ZNF638: variants seen among roughly 807,000 people sequenced by gnomAD.
The protein encoded by ZNF638 is CTCL tumor antigen se33-1.
In ZNF638, 46 loss-of-function variants were observed where a neutral mutation model predicts 195.6. That is an observed-to-expected ratio of 0.24 (90% CI 0.19 to 0.30). The LOEUF (loss-of-function observed/expected upper bound fraction) is 0.30, where lower values mean the gene tolerates loss of function less well. Ranked by LOEUF, ZNF638 falls within the 10% of genes least tolerant of loss-of-function variation. The pLI is 1.00. For synonymous variants in ZNF638, 845 were observed against 772.0 expected, an observed-to-expected ratio of 1.09 and a Z score of -1.57; for missense variants, 2,440 against 2,325.3, an observed-to-expected ratio of 1.05 and a Z score of -1.01.
At chr2:71,385,464 TACAG>T (rs1343943619) in intron 10 of ZNF638, among the ~76,000 whole-genome samples, 3 of 147,216 alleles carry the variant, frequency 2.0e-5, no homozygotes, top group South Asian at 2.2e-4. Flanking sequence ...GAAATGAAAT[TACAG>T]AGAGAGAACA....
chr2:71,350,558 A>G (rs2078922942), intron 2 of ZNF638, among the ~76,000 whole-genome samples: 1 of 152,200 alleles, frequency 6.6e-6, no homozygotes, highest in South Asian at 2.1e-4. Context: ...TTTATGTAAC[A>G]TAAGCTGCGT....
At chr2:71,358,139 T>C (rs888062306) in intron 3 of ZNF638, among the ~76,000 whole-genome samples, 3 of 152,190 alleles carry the variant, frequency 2.0e-5, no homozygotes, top group Admixed American at 6.5e-5. Context: ...TGCTACTGTC[T>C]TCACACCACC....
intron 8 of ZNF638, among the ~76,000 whole-genome samples, chr2:71,372,038 T>TA (rs1230390623): frequency 6.6e-6 from 1 of 152,196 alleles, no homozygotes; most frequent in East Asian, 1.9e-4. Flanking sequence ...GTTTCATAGT[T>TA]AGAGATCTTA....
intron 6 of ZNF638, among the ~76,000 whole-genome samples, chr2:71,366,219 G>A (rs1055464457): frequency 6.6e-6 from 1 of 151,932 alleles, no homozygotes; most frequent in South Asian, 2.1e-4. Context: ...GGGTAGCGGC[G>A]GGTGCCAGTA....
Position 71,408,117 on chromosome 2 carries a change from C to T in ZNF638, c.3136-5C>T, listed in dbSNP as rs754963110. ...CTATTCATAACTTTTTAATCTTCTCCAAAGGCAATTCTTCAGTTAGATAGT... is the reference window on the plus strand; with the variant it reads ...CTATTCATAACTTTTTAATCTTCTCTAAAGGCAATTCTTCAGTTAGATAGT... On this transcript the variant is annotated splice_region_variant and splice_polypyrimidine_tract_variant and intron_variant, in intron 19 of 27. Coordinates refer to ENST00000264447, the MANE Select transcript of ZNF638 (RefSeq NM_014497.5). The T allele has an allele frequency of 1.9e-6, 3 of 1,600,984 alleles. No individual in the cohort carries two copies. Among genetic ancestry groups the T allele is most frequent in the Non-Finnish European group, 2.6e-6 (3 of 1,176,036 alleles).
chr2:71,423,306 A>C lies in ZNF638; in HGVS notation c.3792A>C (p.Glu1264Asp), dbSNP rs914842980. ...AGACTATGGTAGAAGCTGTAGCTGA[A>C]GTAGAAAAAAATGAAACTGTTTCGG... ...ITQTMVEAVA[E>D]VEKNETVSEI... Residue 1264 changes from glutamate to aspartate, a missense_variant, in exon 22 of 28, where the codon GAA becomes GAC. Glu to Asp is a conservative substitution (Grantham distance 45, BLOSUM62 2). Around this residue, in one of 5 missense-constraint regions of ZNF638, gnomAD observed 1,883 missense variants for 1,739.1 expected, o/e 1.08. Transcript: ENST00000264447. 2.5e-6 allele frequency: 4 copies of C among 1,613,852 alleles called. No homozygotes were observed. The African/African-American group carries it at 5.3e-5, about 22-fold the overall frequency.
intron 1 of ZNF638, among the ~76,000 whole-genome samples, chr2:71,338,705 AG>A (rs2078713457): frequency 6.6e-6 from 1 of 152,164 alleles, no homozygotes; most frequent in Admixed American, 6.5e-5. Flanking sequence ...GCCTCCTGTG[AG>A]GTACATAAAT....
chr2:71,403,578 A>T (rs2080048285), intron 16 of ZNF638, among the ~76,000 whole-genome samples: 1 of 152,272 alleles, frequency 6.6e-6, no homozygotes, highest in South Asian at 2.1e-4. Flanking sequence ...CTAAGGATAC[A>T]GTTTGAATAA....
chr2:71,374,264 A>G lies in ZNF638; in HGVS notation c.2265+4259A>G, dbSNP rs138147723. Among the ~76,000 whole-genome samples, 774 of 152,294 alleles carry G rather than the reference A, an allele frequency of 5.1e-3. 4 individuals are homozygous for G. The highest frequency in any genetic ancestry group is 0.018 in the African/African-American group (743 of 41,556). ...AAAATGGGAGCCAGTTAGCCTCAAC[A>G]CTATTTATGCCTAATTTATCCTTGT... On this transcript the variant is annotated intron_variant, in intron 8 of 27. Coordinates refer to ENST00000264447, the MANE Select transcript of ZNF638 (RefSeq NM_014497.5).
intron 20 of ZNF638, 60 bp downstream of exon 20, chr2:71,408,307 A>G: frequency 1.3e-6 from 2 of 1,551,354 alleles, no homozygotes; most frequent in Non-Finnish European, 1.7e-6. Context: ...CATAAAGGTC[A>G]TTCTCAGGTA....
intron 20 of ZNF638, among the ~76,000 whole-genome samples, chr2:71,410,992 C>CCCCTTTT: frequency 4.1e-5 from 1 of 24,510 alleles, no homozygotes; most frequent in Non-Finnish European, 7.7e-5. Context: ...CTCCCCCCCC[C>CCCCTTTT]TTTTTTTTTT....
intron 1 of ZNF638, among the ~76,000 whole-genome samples, chr2:71,342,981 C>G (rs2078787880): frequency 6.6e-6 from 1 of 151,928 alleles, no homozygotes; most frequent in Non-Finnish European, 1.5e-5. Context: ...GTATTTTATC[C>G]AAAGACTTTA....
intron 1 of ZNF638, among the ~76,000 whole-genome samples, chr2:71,343,939 G>A (rs889816768): frequency 2.5e-5 from 3 of 121,556 alleles, no homozygotes; most frequent in African/African-American, 5.3e-5. Flanking sequence ...GACCATCCTG[G>A]GTAACATGGT....
At chr2:71,401,195 C>T (rs1172038890) in intron 15 of ZNF638, among the ~76,000 whole-genome samples, 1 of 151,894 alleles carries the variant, frequency 6.6e-6, no homozygotes, top group Non-Finnish European at 1.5e-5. Context: ...AACTTCCTGC[C>T]TTTTTTTCCC....
In ZNF638 at chr2:71,349,751, A is replaced by G. The variant is rs1218646103; in HGVS notation, c.797A>G (p.Glu266Gly). 6.2e-7 allele frequency: 1 copy of G among 1,614,222 alleles called. No homozygotes were observed. Among genetic ancestry groups the G allele is most frequent in the Admixed American group, 1.7e-5 (1 of 60,030 alleles). ...ATATGTAATTCTATGTTTCCTGTTGAAGACGTATTTCGCCAAATGGACTTC... is the reference window on the plus strand; with the variant it reads ...ATATGTAATTCTATGTTTCCTGTTGGAGACGTATTTCGCCAAATGGACTTC... Reference protein sequence around the residue: ...NVICNSMFPVEDVFRQMDFPG... With the variant: ...NVICNSMFPVGDVFRQMDFPG... Residue 266 changes from glutamate to glycine, a missense_variant, in exon 2 of 28, where the codon GAA becomes GGA. Coordinates refer to ENST00000264447, the MANE Select transcript of ZNF638 (RefSeq NM_014497.5).
At chr2:71,367,413 A>C (rs1451023933) in intron 6 of ZNF638, among the ~76,000 whole-genome samples, 1 of 141,928 alleles carries the variant, frequency 7.0e-6, no homozygotes, top group Non-Finnish European at 1.5e-5. Flanking sequence ...GCGCCAACAC[A>C]CCCAGCTGGG....
rs1441765438 is a variant in ZNF638, at chr2:71,367,839, G to GT, written c.1996-543_1996-542insT. Among the ~76,000 whole-genome samples the GT allele has an allele frequency of 5.9e-4, 89 of 151,970 alleles. 1 individual carries two copies. The highest frequency in any genetic ancestry group is 5.9e-5 in the Non-Finnish European group (4 of 67,998). Reference sequence around the variant, plus strand: ...TTCTGCCTTGGCCTCCCAAAGCAGTGGGATACAGGCATGAGCCACCATGCC... The same window carrying GT: ...TTCTGCCTTGGCCTCCCAAAGCAGTGTGGATACAGGCATGAGCCACCATGCC... On this transcript the variant is annotated intron_variant, in intron 6 of 27. Transcript: ENST00000264447.
intron 1 of ZNF638, among the ~76,000 whole-genome samples, chr2:71,342,830 A>G (rs892228439): frequency 6.6e-6 from 1 of 152,200 alleles, no homozygotes; most frequent in Non-Finnish European, 1.5e-5. Flanking sequence ...GCTGACGTCT[A>G]TCAAATAGTC....
intron 4 of ZNF638, 36 bp downstream of exon 4, chr2:71,363,227 A>T (rs762155665): frequency 7.0e-7 from 1 of 1,433,536 alleles, no homozygotes; most frequent in South Asian, 1.3e-5. Flanking sequence ...TTAAAACCTG[A>T]TTGTCTTTTA....
Sources: allele counts gnomAD v4.1 joint callset (sites outside exome capture counted in the v4.1 genomes callset), GRCh38; gene constraint gnomAD v4.1.1; regional missense constraint gnomAD v4.1.1; transcripts MANE v1.5; gene names NCBI Gene and HGNC (gene_info 2026-07-23, HGNC 2026-07-21).